Variants in UHMK1 observed in about 807,000 individuals in gnomAD.
UHMK1 encodes the protein serine/threonine-protein kinase Kist.
UHMK1 carries 18 observed loss-of-function variants against 44.0 expected under a neutral mutation model. The ratio of observed to expected loss-of-function variants is 0.41; its 90% CI spans 0.28 to 0.61. The LOEUF (loss-of-function observed/expected upper bound fraction) is 0.61, where lower values mean the gene tolerates loss of function less well. UHMK1 is among the 20% of genes least tolerant of loss of function. UHMK1 has a pLI of 0.31. For synonymous variants in UHMK1, 231 were observed against 198.5 expected, an observed-to-expected ratio of 1.16 and a Z score of -1.38; for missense variants, 463 against 522.5, an observed-to-expected ratio of 0.89 and a Z score of 1.11.
At chr1:162,501,227 T>A in intron 3 of UHMK1, 123 bp downstream of exon 3, 1 of 961,974 alleles carries the variant, frequency 1.0e-6, no homozygotes, top group Non-Finnish European at 1.5e-6. Context: ...TGGAGTGCAG[T>A]GGCGCAATCT....
intron 4 of UHMK1, among the ~76,000 whole-genome samples, chr1:162,511,678 C>G (rs1186438508): frequency 6.6e-6 from 1 of 152,076 alleles, no homozygotes; most frequent in African/African-American, 2.4e-5. Context: ...GTGCTCAGAA[C>G]AATGTTGTGC....
At chr1:162,522,272 C>A in intron 7 of UHMK1, 132 bp from the exon 8 acceptor site, 1 of 993,272 alleles carries the variant, frequency 1.0e-6, no homozygotes, top group Non-Finnish European at 1.5e-6. Flanking sequence ...CAGGCGACAT[C>A]TCAGACCTAA....
rs949814920 is a variant in UHMK1 at position 162,500,598 on chromosome 1, A to G, written c.562-315A>G. 11 of 405,442 alleles carry G rather than the reference A, an allele frequency of 2.7e-5. No individual in the cohort carries two copies. The South Asian group carries it at 3.2e-4, about 12-fold the overall frequency. The allele number at this position is 405,442 out of a possible 1,614,324, so 25.1% of individuals were successfully genotyped here. ...GGCTGTATCTCGTGGCAGAATGCAT[A>G]TGATAGTTCTGCCAAATCCTCTTTT... On this transcript the variant is annotated intron_variant, in intron 2 of 7. Coordinates refer to ENST00000489294, the MANE Select transcript of UHMK1 (RefSeq NM_175866.5).
rs1303511417 is a variant in UHMK1 at position 162,526,446 on chromosome 1, A to G, written c.*3896A>G. The stretch of plus-strand genomic sequence containing the variant: ...TAGGTGGCTTTATTCAGATTCGGGT[A>G]CATTGGAATCACATCATGACTTTGA... On this transcript the variant is annotated 3_prime_UTR_variant, in exon 8 of 8. Transcript: ENST00000489294. 1 of 152,152 alleles carries G rather than the reference A, an allele frequency of 6.6e-6. No homozygotes were observed. Among genetic ancestry groups the G allele is most frequent in the Non-Finnish European group, 1.5e-5 (1 of 67,994 alleles). The allele number at this position is 152,152 out of a possible 1,614,324, so 9.4% of individuals were successfully genotyped here. A position where few individuals can be genotyped will look rare whatever the true frequency, so the allele number is the denominator to read the frequency against.
intron 3 of UHMK1, 124 bp from the exon 4 acceptor site, chr1:162,503,630 A>G (rs1452946751): frequency 9.0e-6 from 5 of 557,016 alleles, no homozygotes; most frequent in East Asian, 6.5e-5. Flanking sequence ...AAAAAAAAAA[A>G]AGATTGTAGG....
chr1:162,512,709 T>C lies in UHMK1; in HGVS notation c.926-16T>C, dbSNP rs769316651. On this transcript the variant is annotated splice_polypyrimidine_tract_variant and intron_variant, in intron 5 of 7. Transcript: ENST00000489294. ...GGGGGATTTACATTTAACCATATTA[T>C]GATGAATTTTAACAGCCCCTCATAT... 9 of 1,613,410 alleles carry C rather than the reference T, an allele frequency of 5.6e-6. No homozygotes were observed. Among genetic ancestry groups the C allele is most frequent in the Non-Finnish European group, 7.6e-6 (9 of 1,179,558 alleles).
At chr1:162,510,558 G>C (rs998145095) in intron 4 of UHMK1, among the ~76,000 whole-genome samples, 4 of 151,474 alleles carry the variant, frequency 2.6e-5, no homozygotes, top group African/African-American at 9.7e-5. Context: ...GACAGGATTT[G>C]CTCCTTTCAG....
chr1:162,511,888 C>T (rs1651682042), intron 4 of UHMK1, among the ~76,000 whole-genome samples: 1 of 151,974 alleles, frequency 6.6e-6, no homozygotes, highest in African/African-American at 2.4e-5. Context: ...TGTTGAAAAT[C>T]AGTTGGTTGT....
chr1:162,503,101 C>T (rs1651335164), intron 3 of UHMK1, among the ~76,000 whole-genome samples: 2 of 152,050 alleles, frequency 1.3e-5, no homozygotes, highest in African/African-American at 4.8e-5. Flanking sequence ...TTTATTTCTG[C>T]CTGAAAACCA....
At chr1:162,514,753 T>A (rs1651779430) in intron 6 of UHMK1, among the ~76,000 whole-genome samples, 1 of 152,156 alleles carries the variant, frequency 6.6e-6, no homozygotes, top group South Asian at 2.1e-4. Flanking sequence ...TGGTCCTAGT[T>A]AAAGAGGTAA....
intron 3 of UHMK1, 141 bp from the exon 4 acceptor site, chr1:162,503,613 A>T: frequency 2.7e-5 from 1 of 37,416 alleles, no homozygotes; most frequent in East Asian, 5.8e-4. Flanking sequence ...CCTGTCTCCA[A>T]AAAAAAAAAA....
intron 4 of UHMK1, among the ~76,000 whole-genome samples, chr1:162,512,271 A>T (rs1486235735): frequency 1.3e-5 from 2 of 151,120 alleles, no homozygotes; most frequent in African/African-American, 4.9e-5. Context: ...TGTTTCATTT[A>T]TTAATCAAAA....
At chr1:162,512,685 G>C (rs1404191074) in intron 5 of UHMK1, 40 bp from the exon 6 acceptor site, 2 of 1,609,296 alleles carry the variant, frequency 1.2e-6, no homozygotes, top group Admixed American at 3.4e-5. Flanking sequence ...ACTTATTTGG[G>C]GGGATTTACA....
rs775233427 is a variant in UHMK1 at position 162,498,032 on chromosome 1, A to T, written c.32A>T (p.Glu11Val). Residue 11 changes from glutamate to valine, a missense_variant, in exon 1 of 8, where the codon GAG becomes GTG. By Grantham distance (121) the Glu-to-Val change is moderately radical. Coordinates refer to ENST00000489294, the MANE Select transcript of UHMK1 (RefSeq NM_175866.5). ...GGATCCGGCTGCGCCTGGGGCGCGG[A>T]GCCGCCGCGTTTTCTGGAGGCCTTC... MAGSGCAWGAEPPRFLEAFGR... is the reference protein window; with the variant it reads MAGSGCAWGAVPPRFLEAFGR... 9.1e-5 allele frequency: 145 copies of T among 1,598,046 alleles called. No homozygotes were observed. The highest frequency in any genetic ancestry group is 1.2e-4 in the Non-Finnish European group (142 of 1,171,132).
At position 162,498,132 on chromosome 1, in the gene UHMK1, C is replaced by G; in HGVS notation, c.132C>G (p.Gly44=). The G allele has an allele frequency of 6.2e-7, 1 of 1,612,674 alleles. No individual in the cohort carries two copies. The highest frequency in any genetic ancestry group is 1.1e-5 in the South Asian group (1 of 91,012). ...SASVYRVRCC[G]NPGSPPGALK... The stretch of plus-strand genomic sequence containing the variant: ...CGGTGTATCGGGTTCGCTGCTGCGG[C>G]AACCCTGGCTCGCCCCCCGGCGCCC... The change falls in exon 1 of 8, where the codon GGC becomes GGG. Residue 44 remains glycine, a synonymous_variant. Transcript: ENST00000489294.
rs547878763 is a variant in UHMK1, at chr1:162,498,179, G to C, written c.179G>C (p.Gly60Ala). 1.9e-5 allele frequency: 30 copies of C among 1,613,204 alleles called. No individual in the cohort carries two copies. The South Asian group carries it at 2.7e-4, about 15-fold the overall frequency. Residue 60 changes from glycine (G) to alanine (A), a missense_variant, in exon 1 of 8, where the codon GGA (glycine) becomes GCA (alanine). Physicochemically the swap from Gly to Ala is moderately conservative, Grantham distance 60. Coordinates refer to ENST00000489294, the MANE Select transcript of UHMK1 (RefSeq NM_175866.5). The part of the protein sequence containing the change: ...PGALKQFLPP[G>A]TTGAAASAAE... ...GCCCTCAAGCAGTTCTTGCCGCCAG[G>C]AACCACCGGGGCTGCGGCCTCTGCC... is the stretch of plus-strand genomic sequence containing the variant.
Position 162,498,285 on chromosome 1 carries a change from C to T in UHMK1, c.268+17C>T. The T allele has an allele frequency of 1.3e-6, 2 of 1,568,630 alleles. No homozygotes were observed. Among genetic ancestry groups the T allele is most frequent in the Middle Eastern group, 1.7e-4 (1 of 5,876 alleles). ...GAAACATCGGTAATTGCCGCTGTCT[C>T]CTTTCTCTTCTTGCCCAGGTCACAG... On this transcript the variant is annotated intron_variant, in intron 1 of 7. Transcript: ENST00000489294.
chr1:162,525,912 A>T lies in UHMK1; in HGVS notation c.*3362A>T, dbSNP rs1020866757. 3 of 152,194 alleles carry T rather than the reference A, an allele frequency of 2.0e-5. No homozygotes were observed. Among genetic ancestry groups the T allele is most frequent in the African/African-American group, 4.8e-5 (2 of 41,450 alleles). The allele number at this position is 152,194 out of a possible 1,614,324, so 9.4% of individuals were successfully genotyped here. A position where few individuals can be genotyped will look rare whatever the true frequency, so the allele number is the denominator to read the frequency against. ...GCTGAGATATGTTAAATTATTTTTT[A>T]AAAGAAAATCTCCAAATACTTATTT... On this transcript the variant is annotated 3_prime_UTR_variant, in exon 8 of 8. Coordinates refer to ENST00000489294, the MANE Select transcript of UHMK1 (RefSeq NM_175866.5).
At chr1:162,516,691 A>G (rs1651848463) in intron 6 of UHMK1, among the ~76,000 whole-genome samples, 1 of 152,180 alleles carries the variant, frequency 6.6e-6, no homozygotes, top group South Asian at 2.1e-4. Context: ...TAGTTTAAAG[A>G]AAAAATATTT....
Sources: gnomAD v4.1 joint callset for allele counts (sites outside exome capture counted in the v4.1 genomes callset) on GRCh38, gnomAD v4.1.1 for gene constraint, MANE v1.5 for transcripts, NCBI Gene and HGNC (gene_info 2026-07-23, HGNC 2026-07-21) for gene names.